KLHL2: variants seen among roughly 807,000 people sequenced by gnomAD.
The protein encoded by KLHL2 is kelch like family member 2.
KLHL2 carries 15 observed loss-of-function variants against 75.8 expected under a neutral mutation model. The observed-to-expected ratio is 0.20, with a 90% CI of 0.13 to 0.30. The LOEUF is 0.30. Among genes scored for constraint, KLHL2 ranks in the 10% least tolerant of loss-of-function variants. The pLI, the probability that KLHL2 is intolerant of heterozygous loss-of-function variation, is 1.00. For synonymous variants in KLHL2, 214 were observed against 251.9 expected, an observed-to-expected ratio of 0.85 and a Z score of 1.42; for missense variants, 381 against 741.0, an observed-to-expected ratio of 0.51 and a Z score of 5.64.
At chr4:165,218,614 C>T (rs1344171138) in intron 1 of KLHL2, among the ~76,000 whole-genome samples, 1 of 152,096 alleles carries the variant, frequency 6.6e-6, no homozygotes, top group East Asian at 1.9e-4. Flanking sequence ...GCTGTCTTTC[C>T]CTTTCCCCCC....
At chr4:165,286,372 T>G (rs1425010470) in intron 5 of KLHL2, among the ~76,000 whole-genome samples, 1 of 152,130 alleles carries the variant, frequency 6.6e-6, no homozygotes, top group African/African-American at 2.4e-5. Context: ...AGGTTGGATC[T>G]GGGAGCAACA....
At position 165,310,670 on chromosome 4, in the gene KLHL2, T is replaced by G; in HGVS notation, c.1157T>G (p.Met386Arg). Residue 386 changes from methionine to arginine, a missense_variant, in exon 10 of 15, where the codon ATG becomes AGG. By Grantham distance (91) the Met-to-Arg change is moderately conservative. Coordinates refer to ENST00000226725, the MANE Select transcript of KLHL2 (RefSeq NM_007246.4). ...GACCAGTGGACCAGCGTTGCTAACA[T>G]GAGAGACCGGAGAAGCACTTTGGGA... ...VKDQWTSVANMRDRRSTLGAA... is the reference protein window; with the variant it reads ...VKDQWTSVANRRDRRSTLGAA... 1 of 1,614,108 alleles carries G rather than the reference T, an allele frequency of 6.2e-7. No homozygotes were observed. The highest frequency in any genetic ancestry group is 8.5e-7 in the Non-Finnish European group (1 of 1,180,000).
At position 165,299,662 on chromosome 4, in the gene KLHL2, ATC is replaced by A. The variant is rs752429357; in HGVS notation, c.921+8_921+9del. ...CACCCATGAACCTTCCCAAAGTAGG[ATC>A]TGTTTCTCATGCTTGTTATTACCTC... On this transcript the variant is annotated splice_region_variant and intron_variant, in intron 8 of 14. Transcript: ENST00000226725. 1 of 1,593,884 alleles carries A rather than the reference ATC, an allele frequency of 6.3e-7. No homozygotes were observed. The highest frequency in any genetic ancestry group is 1.8e-5 in the Admixed American group (1 of 54,894).
At chr4:165,278,774 T>G in intron 5 of KLHL2, 1 of 1,551,022 alleles carries the variant, frequency 6.4e-7, no homozygotes, top group Non-Finnish European at 8.9e-7. Context: ...TACACACTTA[T>G]GGCCTGTATT....
At chr4:165,311,089 C>T (rs745312551) in intron 10 of KLHL2, among the ~76,000 whole-genome samples, 1 of 152,084 alleles carries the variant, frequency 6.6e-6, no homozygotes, top group Non-Finnish European at 1.5e-5. Flanking sequence ...AATCTCCTGA[C>T]TTTGTGATCC....
chr4:165,247,907 G>C (rs1018596348), intron 4 of KLHL2, among the ~76,000 whole-genome samples: 1 of 152,202 alleles, frequency 6.6e-6, no homozygotes, highest in Non-Finnish European at 1.5e-5. Flanking sequence ...GAATGGTTGT[G>C]TGATTTTCTT....
intron 9 of KLHL2, among the ~76,000 whole-genome samples, chr4:165,307,489 A>G (rs1745825357): frequency 6.6e-6 from 1 of 152,226 alleles, no homozygotes; most frequent in Non-Finnish European, 1.5e-5. Flanking sequence ...TAACTGAAAT[A>G]CAGACTTCAT....
At chr4:165,304,082 G>C (rs1053956252) in intron 8 of KLHL2, among the ~76,000 whole-genome samples, 1 of 150,798 alleles carries the variant, frequency 6.6e-6, no homozygotes, top group Non-Finnish European at 1.5e-5. Flanking sequence ...AAGGGGACTT[G>C]CTGTTAACCA....
intron 1 of KLHL2, among the ~76,000 whole-genome samples, chr4:165,216,381 A>G (rs1316311267): frequency 5.3e-5 from 8 of 152,202 alleles, no homozygotes; most frequent in African/African-American, 1.9e-4. Flanking sequence ...TGTTGATAAC[A>G]ATAGGCTATT....
chr4:165,273,059 T>C (rs1742817869), intron 5 of KLHL2, among the ~76,000 whole-genome samples: 2 of 152,186 alleles, frequency 1.3e-5, no homozygotes, highest in Admixed American at 1.3e-4. Context: ...TCTTTCATTA[T>C]GAAAAATTGC....
rs187774423 is a variant in KLHL2 at position 165,215,525 on chromosome 4, G to A, written c.27-4409G>A. ...GACTTTGAAAACAACAGCTGCTGACGTGAACTTGGCAGAAATTTGTGAGTA... is the reference window on the plus strand; with the variant it reads ...GACTTTGAAAACAACAGCTGCTGACATGAACTTGGCAGAAATTTGTGAGTA... On this transcript the variant is annotated intron_variant, in intron 1 of 14. Transcript: ENST00000226725. Among the ~76,000 whole-genome samples the A allele has an allele frequency of 3.7e-4, 57 of 152,302 alleles. 1 individual carries two copies. The East Asian group carries it at 0.01, about 27-fold the overall frequency.
chr4:165,239,374 C>T (rs528537356), intron 4 of KLHL2, among the ~76,000 whole-genome samples: 146 of 151,896 alleles, frequency 9.6e-4, no homozygotes, highest in African/African-American at 3.4e-3. Flanking sequence ...GGAGTCCTCC[C>T]GCTGCAGCCT....
intron 4 of KLHL2, among the ~76,000 whole-genome samples, chr4:165,260,968 A>G (rs1045266387): frequency 3.3e-5 from 5 of 152,316 alleles, no homozygotes; most frequent in Non-Finnish European, 5.9e-5. Context: ...CTGCCCAACC[A>G]CTTTTTCCTC....
At chr4:165,264,391 G>A (rs913421344) in intron 5 of KLHL2, among the ~76,000 whole-genome samples, 12 of 151,318 alleles carry the variant, frequency 7.9e-5, no homozygotes, top group African/African-American at 2.9e-4. Flanking sequence ...CCACTTCTGA[G>A]TCTCCCATGT....
intron 5 of KLHL2, among the ~76,000 whole-genome samples, chr4:165,265,456 C>T (rs1220579950): frequency 6.6e-6 from 1 of 152,000 alleles, no homozygotes; most frequent in African/African-American, 2.4e-5. Context: ...TTTGTTTCGG[C>T]CAATGCCCAG....
intron 4 of KLHL2, among the ~76,000 whole-genome samples, chr4:165,253,768 A>G (rs1176254820): frequency 6.6e-6 from 1 of 152,252 alleles, no homozygotes; most frequent in African/African-American, 2.4e-5. Flanking sequence ...TCATATAAAT[A>G]GAATCATACA....
chr4:165,264,117 T>A (rs1381559611), intron 5 of KLHL2, among the ~76,000 whole-genome samples: 3 of 152,192 alleles, frequency 2.0e-5, no homozygotes, highest in Admixed American at 2.0e-4. Context: ...TTCACAAATG[T>A]AATCTATATT....
chr4:165,296,577 G>C (rs886167987), intron 6 of KLHL2, among the ~76,000 whole-genome samples: 4 of 152,118 alleles, frequency 2.6e-5, no homozygotes, highest in African/African-American at 9.7e-5. Context: ...GCTATCTTTG[G>C]AGACTAGCTA....
intron 8 of KLHL2, among the ~76,000 whole-genome samples, chr4:165,300,134 CAAAAATT>C (rs1745235912): frequency 6.6e-6 from 1 of 151,734 alleles, no homozygotes; most frequent in South Asian, 2.1e-4. Context: ...ACTAAAAATA[CAAAAATT>C]AGCCACGTGT....
Sources: gnomAD v4.1 joint callset for allele counts (sites outside exome capture counted in the v4.1 genomes callset) on GRCh38, gnomAD v4.1.1 for gene constraint, MANE v1.5 for transcripts, NCBI Gene and HGNC (gene_info 2026-07-23, HGNC 2026-07-21) for gene names.